DLGAP2: variants seen among roughly 807,000 people sequenced by gnomAD.
The protein encoded by DLGAP2 is DLG associated protein 2.
DLGAP2 carries 26 observed loss-of-function variants against 100.3 expected under a neutral mutation model. That is an observed-to-expected ratio of 0.26 (90% CI 0.19 to 0.36). The LOEUF (loss-of-function observed/expected upper bound fraction) is 0.36. Among genes scored for constraint, DLGAP2 ranks in the 10% least tolerant of loss-of-function variants. The pLI is 1.00. For missense variants in DLGAP2, 1,858 were observed against 1,453.2 expected (o/e 1.28, Z -4.53); for synonymous variants, 886 against 630.1 (o/e 1.41, Z -6.08).
At chr8:916,539 G>C (rs1234153674) in intron 2 of DLGAP2, among the ~76,000 whole-genome samples, 1 of 152,120 alleles carries the variant, frequency 6.6e-6, no homozygotes, top group Non-Finnish European at 1.5e-5. Flanking sequence ...GATAGCATTA[G>C]GAGAAATACC....
chr8:1,507,215 C>A lies in DLGAP2; in HGVS notation c.172+5784C>A, dbSNP rs1353075739. 6.6e-5 allele frequency among the ~76,000 whole-genome samples: 10 copies of A among 152,340 alleles called. No individual in the cohort carries two copies. The East Asian group carries it at 1.7e-3, about 27-fold the overall frequency. On this transcript the variant is annotated intron_variant, in intron 4 of 14. Transcript: ENST00000637795. ...GGCGCCGCGGAGCAGGGGGCAGCGT[C>A]CATCAGGGAGGCTTGGGCCGCGCGG...
At chr8:1,043,017 G>C (rs1802404559) in intron 2 of DLGAP2, among the ~76,000 whole-genome samples, 1 of 148,194 alleles carries the variant, frequency 6.7e-6, no homozygotes, top group Non-Finnish European at 1.5e-5. Flanking sequence ...GTGGGTGGTG[G>C]GTGTGGGTGG....
chr8:1,450,562 A>G (rs1050469373), intron 3 of DLGAP2, among the ~76,000 whole-genome samples: 1 of 151,876 alleles, frequency 6.6e-6, no homozygotes, highest in African/African-American at 2.4e-5. Flanking sequence ...GGCTGGCAGG[A>G]CTCGCCTTTC....
chr8:1,367,891 C>T (rs1002352365), intron 3 of DLGAP2, among the ~76,000 whole-genome samples: 1 of 152,152 alleles, frequency 6.6e-6, no homozygotes, highest in African/African-American at 2.4e-5. Flanking sequence ...GAAGAGGGGG[C>T]AGAGAAGTCA....
chr8:1,621,260 G>C (rs925964294), intron 6 of DLGAP2: 7 of 152,688 alleles, frequency 4.6e-5, no homozygotes, highest in African/African-American at 1.7e-4. Context: ...GTGGACGAGA[G>C]CCGGAGGTGG....
At chr8:1,448,684 C>G (rs1798051703) in intron 3 of DLGAP2, among the ~76,000 whole-genome samples, 1 of 152,176 alleles carries the variant, frequency 6.6e-6, no homozygotes, top group Admixed American at 6.5e-5. Flanking sequence ...GAGCAACTAT[C>G]TTGAAGACTT....
intron 1 of DLGAP2, among the ~76,000 whole-genome samples, chr8:816,995 G>T (rs1796493000): frequency 6.6e-6 from 1 of 152,076 alleles, no homozygotes; most frequent in South Asian, 2.1e-4. Flanking sequence ...AACAAAATTA[G>T]CCTGGCGCGG....
At chr8:1,505,152 G>C (rs1799862932) in intron 4 of DLGAP2, among the ~76,000 whole-genome samples, 1 of 152,170 alleles carries the variant, frequency 6.6e-6, no homozygotes, top group Non-Finnish European at 1.5e-5. Flanking sequence ...TCTTTAAATT[G>C]AGAGGGTTAA....
chr8:1,262,136 G>C (rs1799363583), intron 3 of DLGAP2, among the ~76,000 whole-genome samples: 1 of 152,218 alleles, frequency 6.6e-6, no homozygotes, highest in South Asian at 2.1e-4. Flanking sequence ...CCCAGTCTCA[G>C]ATGATAATAT....
intron 3 of DLGAP2, among the ~76,000 whole-genome samples, chr8:1,475,795 A>G (rs1798916030): frequency 6.6e-6 from 1 of 152,164 alleles, no homozygotes; most frequent in Admixed American, 6.5e-5. Context: ...TAATGCTTCT[A>G]GTGTGTGATT....
intron 3 of DLGAP2, among the ~76,000 whole-genome samples, chr8:1,284,814 T>G (rs1308210704): frequency 6.6e-6 from 1 of 152,118 alleles, no homozygotes. Flanking sequence ...TCTCACTGTG[T>G]TGCGTAGGCT....
chr8:789,353 G>A (rs1312978973), intron 1 of DLGAP2, among the ~76,000 whole-genome samples: 2 of 152,182 alleles, frequency 1.3e-5, no homozygotes, highest in Admixed American at 6.5e-5. Context: ...CGGAGCAGGA[G>A]GAAGAGAGTG....
At chr8:876,868 T>C (rs773320679) in intron 1 of DLGAP2, among the ~76,000 whole-genome samples, 4 of 152,064 alleles carry the variant, frequency 2.6e-5, no homozygotes, top group African/African-American at 4.8e-5. Flanking sequence ...TATGGATCTG[T>C]TTTGCAGTTT....
intron 10 of DLGAP2, among the ~76,000 whole-genome samples, chr8:1,671,422 A>T (rs1798686908): frequency 6.6e-6 from 1 of 152,164 alleles, no homozygotes; most frequent in Non-Finnish European, 1.5e-5. Flanking sequence ...TGCGAATGTC[A>T]TTCCTACAAA....
At chr8:1,463,922 G>T (rs182337011) in intron 3 of DLGAP2, among the ~76,000 whole-genome samples, 45 of 152,356 alleles carry the variant, frequency 3.0e-4, no homozygotes, top group Middle Eastern at 6.8e-3. Context: ...CCTGGGACAC[G>T]TGGAGCTTTC....
rs549169663 is a variant in DLGAP2 at position 1,053,836 on chromosome 8, T to C, written c.73+145870T>C. On this transcript the variant is annotated intron_variant, in intron 2 of 14. Transcript: ENST00000637795. ...CATTACCGTCACTGGTTTTCCTTCC[T>C]AGCAGAATGGATTCCTGTGCTAGTT... Among the ~76,000 whole-genome samples, 9 of 152,378 alleles carry C rather than the reference T, an allele frequency of 5.9e-5. No homozygotes were observed. The South Asian group carries it at 1.9e-3, about 32-fold the overall frequency.
chr8:1,624,709 G>C (rs192576088), intron 6 of DLGAP2, among the ~76,000 whole-genome samples: 1 of 151,954 alleles, frequency 6.6e-6, no homozygotes, highest in African/African-American at 2.4e-5. Flanking sequence ...TGCTGGTGCC[G>C]GTCCCCACAT....
At chr8:935,113 G>A (rs1191833668) in intron 2 of DLGAP2, among the ~76,000 whole-genome samples, 3 of 152,248 alleles carry the variant, frequency 2.0e-5, no homozygotes, top group Non-Finnish European at 2.9e-5. Context: ...CTTGAAGAGA[G>A]CCTGCTGCCA....
chr8:1,194,863 C>T (rs966200281), intron 2 of DLGAP2, among the ~76,000 whole-genome samples: 1 of 152,224 alleles, frequency 6.6e-6, no homozygotes, highest in African/African-American at 2.4e-5. Context: ...CAGTCTCAGA[C>T]TCTAGGGCTG....
Sources: allele counts gnomAD v4.1 joint callset (sites outside exome capture counted in the v4.1 genomes callset), GRCh38; gene constraint gnomAD v4.1.1; transcripts MANE v1.5; gene names NCBI Gene and HGNC (gene_info 2026-07-23, HGNC 2026-07-21).